The following VDAC3 variants were observed in gnomAD, a reference collection of about 807,000 sequenced individuals.
VDAC3 encodes the protein non-selective voltage-gated ion channel VDAC3.
A neutral mutation model predicts 33.9 loss-of-function variants in VDAC3; 7 were observed. The ratio of observed to expected loss-of-function variants is 0.21; its 90% CI spans 0.12 to 0.39. VDAC3 has a LOEUF of 0.39. VDAC3 is among the 10% of genes least tolerant of loss of function. The probability of loss-of-function intolerance (pLI) is 1.00; values close to 1 mark genes in which losing one functional copy is unlikely to be tolerated. For missense variants in VDAC3, 261 were observed against 334.5 expected (o/e 0.78, Z 1.71); for synonymous variants, 100 against 122.4 (o/e 0.82, Z 1.21).
intron 2 of VDAC3, 84 bp from the exon 3 acceptor site, chr8:42,394,126 C>A: frequency 8.0e-7 from 1 of 1,255,556 alleles, no homozygotes; most frequent in Non-Finnish European, 1.2e-6. Flanking sequence ...TACCCCTTCT[C>A]ACAGGATTAA....
At position 42,395,064 on chromosome 8, in the gene VDAC3, T is replaced by TTGTGTG. The variant is rs145212549; in HGVS notation, c.68-10_68-5dup. The TTGTGTG allele has an allele frequency of 8.5e-5, 137 of 1,604,726 alleles. 2 individuals are homozygous for TTGTGTG. In the Middle Eastern group the frequency reaches 2.8e-3, roughly 33 times the overall value. ...TCACATTTTGTACATTACTGTGTTT[T>TTGTGTG]TGTGTGTGTGTGTGTATAGGCTTTG... On this transcript the variant is annotated intron_variant, in intron 3 of 9. Coordinates refer to ENST00000022615, the MANE Select transcript of VDAC3 (RefSeq NM_005662.7).
chr8:42,395,835 C>A (rs1802301213), intron 4 of VDAC3, among the ~76,000 whole-genome samples: 1 of 151,134 alleles, frequency 6.6e-6, no homozygotes, highest in African/African-American at 2.4e-5. Context: ...GTGGCACGCA[C>A]ATAGTCCCAG....
chr8:42,396,768 C>G, intron 4 of VDAC3: 1 of 651,048 alleles, frequency 1.5e-6, no homozygotes, highest in Non-Finnish European at 2.7e-6. Flanking sequence ...AATCATTGTT[C>G]CAAATTTCTT....
chr8:42,404,677 G>A (rs1262196924), intron 8 of VDAC3, among the ~76,000 whole-genome samples, 190 bp from the exon 9 acceptor site: 4 of 149,764 alleles, frequency 2.7e-5, no homozygotes, highest in Admixed American at 1.3e-4. Context: ...AGCCGAGATC[G>A]TGCCATCGCA....
intron 5 of VDAC3, 41 bp from the exon 6 acceptor site, chr8:42,399,610 T>A (rs1259007416): frequency 1.3e-6 from 2 of 1,564,988 alleles, no homozygotes; most frequent in African/African-American, 1.4e-5. Context: ...GATAAATGAT[T>A]GAAAATTACT....
At chr8:42,403,093 A>G in intron 7 of VDAC3, 1 of 547,888 alleles carries the variant, frequency 1.8e-6, no homozygotes, top group Non-Finnish European at 3.2e-6. Flanking sequence ...GGAGCCAAGT[A>G]AATGGATCAA....
At position 42,401,786 on chromosome 8, in the gene VDAC3, A is replaced by G; in HGVS notation, c.324-2A>G. On this transcript the variant is annotated splice_acceptor_variant, in intron 6 of 9. Coordinates refer to ENST00000022615, the MANE Select transcript of VDAC3 (RefSeq NM_005662.7). LOFTEE classifies it high-confidence loss of function. ...TTGCTTTTGTTTGTTTGTTTATTGC[A>G]GAAAGAAGAGTGGGAAATTGAAGGC... The G allele has an allele frequency of 6.2e-7, 1 of 1,613,832 alleles. No homozygotes were observed. Among genetic ancestry groups the G allele is most frequent in the East Asian group, 2.2e-5 (1 of 44,868 alleles).
chr8:42,393,866 TGA>T lies in VDAC3; in HGVS notation c.-14_-13del, dbSNP rs747800866. 2 of 425,850 alleles carry T rather than the reference TGA, an allele frequency of 4.7e-6. No homozygotes were observed. Among genetic ancestry groups the T allele is most frequent in the African/African-American group, 2.0e-5 (1 of 48,908 alleles). 26.4% of individuals were successfully genotyped at this position (425,850 alleles called of 1,614,324 possible). On this transcript the variant is annotated 5_prime_UTR_variant, in exon 2 of 10. Transcript: ENST00000022615. ...ACAGGTCTTTGGTTTCATAAGAGCC[TGA>T]GAGAGATTTTTCTAAGGTAAATTTT... is the stretch of plus-strand genomic sequence containing the variant.
intron 4 of VDAC3, chr8:42,396,820 C>G (rs909809838): frequency 5.0e-6 from 3 of 594,234 alleles, no homozygotes; most frequent in African/African-American, 1.9e-5. Context: ...ATCTACTTAA[C>G]AGTAACATTT....
chr8:42,396,942 C>G, intron 4 of VDAC3: 1 of 421,360 alleles, frequency 2.4e-6, no homozygotes, highest in Non-Finnish European at 4.2e-6. Flanking sequence ...TAGACACAAA[C>G]TGAACTGTGA....
At chr8:42,403,201 A>G (rs1049741417) in intron 7 of VDAC3, 110 bp from the exon 8 acceptor site, 7 of 1,327,146 alleles carry the variant, frequency 5.3e-6, no homozygotes, top group African/African-American at 1.5e-5. Flanking sequence ...GCTGAAATCT[A>G]TAGTTACAAA....
rs1466732526 is a variant in VDAC3 at position 42,401,861 on chromosome 8, T to A, written c.397T>A (p.Phe133Ile). ...FSVGSNVDID[F>I]SGPTIYGWAV... Reference sequence around the variant, plus strand: ...TGTTGGCAGTAATGTTGATATAGATTTTTCTGGACCAACCATCTATGGCTG... The same window carrying A: ...TGTTGGCAGTAATGTTGATATAGATATTTCTGGACCAACCATCTATGGCTG... Residue 133 changes from phenylalanine (F) to isoleucine (I), a missense_variant, in exon 7 of 10, where the codon TTT becomes ATT. Physicochemically the swap from Phe to Ile is conservative, Grantham distance 21. Transcript: ENST00000022615. The A allele has an allele frequency of 6.2e-7, 1 of 1,614,112 alleles. No individual in the cohort carries two copies. The highest frequency in any genetic ancestry group is 1.3e-5 in the African/African-American group (1 of 74,942).
intron 8 of VDAC3, among the ~76,000 whole-genome samples, chr8:42,403,945 C>T (rs1802458780): frequency 6.6e-6 from 1 of 151,610 alleles, no homozygotes; most frequent in Admixed American, 6.6e-5. Flanking sequence ...CTAGCTCTTC[C>T]TGTATATCTG....
At chr8:42,400,374 CT>C (rs1273229445) in intron 6 of VDAC3, among the ~76,000 whole-genome samples, 16 of 151,006 alleles carry the variant, frequency 1.1e-4, no homozygotes, top group African/African-American at 3.6e-4. Flanking sequence ...CCCTCACCCT[CT>C]CTTATGGTGC....
chr8:42,392,212 A>T (rs899140139), intron 1 of VDAC3, among the ~76,000 whole-genome samples: 1 of 152,152 alleles, frequency 6.6e-6, no homozygotes, highest in Non-Finnish European at 1.5e-5. Flanking sequence ...TAGAAAGGAG[A>T]TCGGTTCTAG....
At chr8:42,395,725 C>T (rs1205171252) in intron 4 of VDAC3, among the ~76,000 whole-genome samples, 5 of 152,106 alleles carry the variant, frequency 3.3e-5, no homozygotes, top group East Asian at 1.9e-4. Flanking sequence ...TTTGGGAGGC[C>T]GAGGTGGGCG....
Position 42,404,852 on chromosome 8 carries a change from A to C in VDAC3, c.703-15A>C, listed in dbSNP as rs1400007819. On this transcript the variant is annotated splice_polypyrimidine_tract_variant and intron_variant, in intron 8 of 9. Transcript: ENST00000022615. Reference sequence around the variant, plus strand: ...ATTCACTGTTTTCTGTTATTATTCTATCTCTTAATCTTAGGCTAAAGTAAA... The same window carrying C: ...ATTCACTGTTTTCTGTTATTATTCTCTCTCTTAATCTTAGGCTAAAGTAAA... 4.4e-6 allele frequency: 7 copies of C among 1,608,622 alleles called. No homozygotes were observed. The highest frequency in any genetic ancestry group is 1.7e-4 in the Middle Eastern group (1 of 6,008).
At chr8:42,398,081 A>C (rs943579064) in intron 4 of VDAC3, among the ~76,000 whole-genome samples, 4 of 152,254 alleles carry the variant, frequency 2.6e-5, no homozygotes, top group African/African-American at 7.2e-5. Flanking sequence ...GAGAACTGAT[A>C]ATCTTTTTTT....
At chr8:42,395,902 T>G (rs1421697873) in intron 4 of VDAC3, among the ~76,000 whole-genome samples, 3 of 146,218 alleles carry the variant, frequency 2.1e-5, no homozygotes, top group Admixed American at 7.0e-5. Flanking sequence ...GAGGTTTCAG[T>G]GAGCCGAGAC....
Sources: allele counts gnomAD v4.1 joint callset (sites outside exome capture counted in the v4.1 genomes callset), GRCh38; gene constraint gnomAD v4.1.1; transcripts MANE v1.5; gene names NCBI Gene and HGNC (gene_info 2026-07-23, HGNC 2026-07-21).